SOX5: variants seen among roughly 807,000 people sequenced by gnomAD.
SOX5 encodes the protein SRY-box transcription factor 5.
Under a neutral mutation model 92.0 loss-of-function variants are expected in SOX5, and 9 were observed. The observed-to-expected ratio is 0.10, with a 90% CI of 0.06 to 0.17. The LOEUF (loss-of-function observed/expected upper bound fraction) is 0.17. Ranked by LOEUF, SOX5 falls within the 10% of genes least tolerant of loss-of-function variation. The pLI, the probability that SOX5 is intolerant of heterozygous loss-of-function variation, is 1.00. For synonymous variants in SOX5, 344 were observed against 336.3 expected (o/e 1.02, Z -0.25); for missense variants, 642 against 944.5 (o/e 0.68, Z 4.20).
intron 7 of SOX5, among the ~76,000 whole-genome samples, chr12:23,658,483 A>G (rs1458682381): frequency 2.0e-5 from 3 of 152,236 alleles, no homozygotes; most frequent in African/African-American, 7.2e-5. Context: ...CTTTACAAAT[A>G]TAAACATTTA....
intron 3 of SOX5, among the ~76,000 whole-genome samples, chr12:24,213,990 A>G (rs1277682572): frequency 6.6e-6 from 1 of 151,842 alleles, no homozygotes; most frequent in Non-Finnish European, 1.5e-5. Flanking sequence ...GAGCTACAAT[A>G]CTTTACGCAA....
At chr12:24,026,599 CAAA>C (rs5797058) in intron 4 of SOX5, among the ~76,000 whole-genome samples, 2 of 123,822 alleles carry the variant, frequency 1.6e-5, no homozygotes, top group Admixed American at 8.2e-5. Context: ...GAAAAAAAAG[CAAA>C]AAAAAAAAAA....
intron 4 of SOX5, among the ~76,000 whole-genome samples, chr12:24,163,545 C>CAA (rs1388164723): frequency 1.3e-5 from 2 of 148,888 alleles, no homozygotes; most frequent in Non-Finnish European, 3.0e-5. Context: ...CTTTATTCTA[C>CAA]AATCTCTGCC....
intron 4 of SOX5, among the ~76,000 whole-genome samples, chr12:23,958,820 G>T (rs1176939908): frequency 6.6e-6 from 1 of 151,152 alleles, no homozygotes; most frequent in Admixed American, 6.6e-5. Flanking sequence ...ATATATTAAA[G>T]AATCAATTTA....
intron 1 of SOX5, among the ~76,000 whole-genome samples, chr12:24,496,496 C>T (rs1757276685): frequency 6.6e-6 from 1 of 152,152 alleles, no homozygotes; most frequent in African/African-American, 2.4e-5. Flanking sequence ...GGTATTTTGA[C>T]TGTCTGGCTC....
chr12:23,975,171 T>C (rs1284330286), intron 4 of SOX5, among the ~76,000 whole-genome samples: 4 of 152,174 alleles, frequency 2.6e-5, no homozygotes, highest in African/African-American at 9.6e-5. Context: ...AAGTATTCTA[T>C]TTAAATGAAA....
At chr12:24,148,502 AAAGAGAG>A (rs1444144484) in intron 4 of SOX5, among the ~76,000 whole-genome samples, 2 of 125,438 alleles carry the variant, frequency 1.6e-5, no homozygotes, top group East Asian at 3.6e-4. Flanking sequence ...AAAAAAAAAA[AAAGAGAG>A]AGAGAGAGAG....
At chr12:24,140,127 G>C (rs935758474) in intron 4 of SOX5, among the ~76,000 whole-genome samples, 1 of 152,164 alleles carries the variant, frequency 6.6e-6, no homozygotes, top group African/African-American at 2.4e-5. Flanking sequence ...CTACTTAAGT[G>C]TTTTTCAAAC....
intron 4 of SOX5, among the ~76,000 whole-genome samples, chr12:23,996,483 A>G (rs12812172): frequency 0.33 from 50,850 of 152,022 alleles, 8,614 homozygotes; most frequent in South Asian, 0.37. Flanking sequence ...GCTGAAAAGA[A>G]GTACTCAAAA....
chr12:24,350,878 C>G (rs1034651567), intron 2 of SOX5, among the ~76,000 whole-genome samples: 8 of 152,176 alleles, frequency 5.3e-5, no homozygotes, highest in African/African-American at 1.9e-4. Context: ...CATGACGAAA[C>G]CCTGTCCCTA....
rs769448850 is a variant in SOX5 at position 24,273,861 on chromosome 12, G to A, written c.-77+3355C>T. ...TACTTCTTATAGGCATTCTGTAATT[G>A]TTATATGTAGGATATCTATTATTGT... is the stretch of plus-strand genomic sequence containing the variant. On this transcript the variant is annotated intron_variant, in intron 3 of 4. Transcript: ENST00000446891. Among the ~76,000 whole-genome samples the A allele has an allele frequency of 4.3e-4, 65 of 152,082 alleles. 1 individual carries two copies. The highest frequency in any genetic ancestry group is 4.4e-5 in the Non-Finnish European group (3 of 67,992).
intron 6 of SOX5, among the ~76,000 whole-genome samples, chr12:23,694,112 A>G (rs2089395426): frequency 6.6e-6 from 1 of 152,148 alleles, no homozygotes. Context: ...TATGTTTGAG[A>G]CGTCTATTTT....
intron 4 of SOX5, among the ~76,000 whole-genome samples, chr12:24,045,381 A>T (rs1956895083): frequency 6.6e-6 from 1 of 152,160 alleles, no homozygotes; most frequent in South Asian, 2.1e-4. Context: ...TAGTCACTTA[A>T]AAGACCTCCC....
chr12:24,248,149 C>G (rs1939267705), intron 3 of SOX5, among the ~76,000 whole-genome samples: 1 of 152,118 alleles, frequency 6.6e-6, no homozygotes, highest in Non-Finnish European at 1.5e-5. Context: ...TTAAGGGAGA[C>G]AGAAACAGCA....
chr12:23,913,360 C>CT lies in SOX5; in HGVS notation c.39-17337dup, dbSNP rs535392657. 2.7e-3 allele frequency among the ~76,000 whole-genome samples: 391 copies of CT among 146,294 alleles called. 3 individuals are homozygous for CT. The highest frequency in any genetic ancestry group is 0.021 in the South Asian group (96 of 4,602). The stretch of plus-strand genomic sequence containing the variant: ...GTTTTTTCTTTTCTTTTTTTAAGTT[C>CT]TTTTTTTTTTAGCTCCTTTTCTCTT... On this transcript the variant is annotated intron_variant, in intron 1 of 14. Coordinates refer to ENST00000451604, the MANE Select transcript of SOX5 (RefSeq NM_006940.6).
At chr12:24,244,910 C>T (rs535372040) in intron 3 of SOX5, among the ~76,000 whole-genome samples, 4 of 152,230 alleles carry the variant, frequency 2.6e-5, no homozygotes, top group South Asian at 4.2e-4. Flanking sequence ...AGGCTAGTCT[C>T]AAACTCCTGA....
intron 2 of SOX5, among the ~76,000 whole-genome samples, chr12:23,867,488 C>T (rs1222848482): frequency 6.6e-6 from 1 of 151,998 alleles, no homozygotes; most frequent in South Asian, 2.1e-4. Flanking sequence ...AGACCTAATG[C>T]CAAGTTTAAA....
At chr12:23,674,033 G>C (rs929629867) in intron 6 of SOX5, among the ~76,000 whole-genome samples, 3 of 152,018 alleles carry the variant, frequency 2.0e-5, no homozygotes, top group Non-Finnish European at 4.4e-5. Context: ...GCATGTTTTG[G>C]AATAATGTTT....
chr12:23,991,473 ATTAGT>A (rs1199101260), intron 4 of SOX5, among the ~76,000 whole-genome samples: 2 of 151,980 alleles, frequency 1.3e-5, no homozygotes, highest in African/African-American at 2.4e-5. Flanking sequence ...CTCATGTCAG[ATTAGT>A]TTAGATTTTC....
Sources: allele counts gnomAD v4.1 joint callset (sites outside exome capture counted in the v4.1 genomes callset), GRCh38; gene constraint gnomAD v4.1.1; transcripts MANE v1.5; gene names NCBI Gene and HGNC (gene_info 2026-07-23, HGNC 2026-07-21).